Variants in NR3C2 observed in about 807,000 individuals in gnomAD.
The protein encoded by NR3C2 is mineralocorticoid receptor.
In NR3C2, 15 loss-of-function variants were observed where a neutral mutation model predicts 86.4. The observed-to-expected ratio is 0.17, with a 90% confidence interval of 0.12 to 0.27. The LOEUF (loss-of-function observed/expected upper bound fraction) is 0.27. NR3C2 is among the 10% of genes least tolerant of loss of function. NR3C2 has a pLI of 1.00. For missense variants in NR3C2, 960 were observed against 1,195.6 expected (o/e 0.80, Z 2.91); for synonymous variants, 458 against 450.5 (o/e 1.02, Z -0.21).
chr4:148,147,308 T>A (rs1420085162), intron 6 of NR3C2, among the ~76,000 whole-genome samples: 1 of 152,198 alleles, frequency 6.6e-6, no homozygotes, highest in Non-Finnish European at 1.5e-5. Flanking sequence ...CAAAGTTTTG[T>A]TCCTCTGTTT....
chr4:148,193,341 G>T (rs1736291995), intron 4 of NR3C2, among the ~76,000 whole-genome samples: 1 of 152,200 alleles, frequency 6.6e-6, no homozygotes, highest in South Asian at 2.1e-4. Context: ...TGTCTCCCAG[G>T]TCCTCCGGGA....
intron 6 of NR3C2, among the ~76,000 whole-genome samples, chr4:148,132,936 T>C (rs1244574788): frequency 2.0e-5 from 3 of 152,244 alleles, no homozygotes; most frequent in African/African-American, 7.2e-5. Context: ...CAGTGGCTCA[T>C]GCCTGTAATC....
chr4:148,103,237 T>G (rs1235974257), intron 8 of NR3C2, among the ~76,000 whole-genome samples: 2 of 152,170 alleles, frequency 1.3e-5, no homozygotes, highest in East Asian at 1.9e-4. Flanking sequence ...GTCCTGACAC[T>G]CCGTATCACA....
At chr4:148,273,929 T>C (rs1244981792) in intron 2 of NR3C2, among the ~76,000 whole-genome samples, 1 of 149,974 alleles carries the variant, frequency 6.7e-6, no homozygotes, top group Non-Finnish European at 1.5e-5. Flanking sequence ...TGGGGTGGAG[T>C]TGGGGGAAAG....
intron 3 of NR3C2, among the ~76,000 whole-genome samples, chr4:148,215,586 T>C (rs1737492104): frequency 6.6e-6 from 1 of 152,096 alleles, no homozygotes; most frequent in Admixed American, 6.5e-5. Flanking sequence ...GCTATTGAAT[T>C]TATGTGCCCT....
chr4:148,225,830 C>T (rs1482866850), intron 3 of NR3C2, among the ~76,000 whole-genome samples: 3 of 152,066 alleles, frequency 2.0e-5, no homozygotes, highest in Non-Finnish European at 4.4e-5. Context: ...CTAATGTTTT[C>T]ACACTCTTAC....
rs185956809 is a variant in NR3C2 at position 148,237,442 on chromosome 4, T to C, written c.1897+22536A>G. On this transcript the variant is annotated intron_variant, in intron 3 of 8. Transcript: ENST00000358102. The stretch of plus-strand genomic sequence containing the variant: ...AGGTCTCTTCGCACTAAAAATGTCA[T>C]AATTAAAATTCTCAGCAGTACTTAC... Among the ~76,000 whole-genome samples, 262 of 152,290 alleles carry C rather than the reference T, an allele frequency of 1.7e-3. 2 individuals are homozygous for C. Among genetic ancestry groups the C allele is most frequent in the African/African-American group, 5.7e-3 (238 of 41,570 alleles).
intron 8 of NR3C2, among the ~76,000 whole-genome samples, chr4:148,104,342 G>GTTTGGT (rs1553985382): frequency 3.1e-5 from 2 of 63,800 alleles, no homozygotes; most frequent in Admixed American, 1.6e-4. Flanking sequence ...TTTTGGTTTG[G>GTTTGGT]TTTTTTTTTT....
At chr4:148,117,037 G>A (rs901316603) in intron 7 of NR3C2, among the ~76,000 whole-genome samples, 4 of 152,212 alleles carry the variant, frequency 2.6e-5, no homozygotes, top group Admixed American at 2.6e-4. Context: ...TAGTTCCAAA[G>A]TTATACTCCA....
At chr4:148,426,549 G>A (rs997220973) in intron 2 of NR3C2, among the ~76,000 whole-genome samples, 2 of 152,138 alleles carry the variant, frequency 1.3e-5, no homozygotes, top group African/African-American at 4.8e-5. Context: ...AAGACTACCT[G>A]ATTCTTCCCT....
intron 2 of NR3C2, among the ~76,000 whole-genome samples, chr4:148,412,843 C>CCT (rs1294171672): frequency 7.6e-6 from 1 of 132,252 alleles, no homozygotes; most frequent in Non-Finnish European, 1.7e-5. Context: ...ACACACACAC[C>CCT]CCTTAGTTAT....
chr4:148,258,674 T>G (rs925595657), intron 3 of NR3C2, among the ~76,000 whole-genome samples: 5 of 152,184 alleles, frequency 3.3e-5, no homozygotes, highest in African/African-American at 1.2e-4. Context: ...GGTAGCTGTC[T>G]CAGCACCATG....
At chr4:148,365,720 T>C (rs1746080338) in intron 2 of NR3C2, among the ~76,000 whole-genome samples, 1 of 147,428 alleles carries the variant, frequency 6.8e-6, no homozygotes. Flanking sequence ...TATGAAAATA[T>C]CTATAATTTC....
chr4:148,222,983 A>T (rs1367227884), intron 3 of NR3C2, among the ~76,000 whole-genome samples: 1 of 152,206 alleles, frequency 6.6e-6, no homozygotes, highest in Non-Finnish European at 1.5e-5. Context: ...TATTAGTGGT[A>T]AAAAACCAAA....
At chr4:148,368,356 T>C (rs375567219) in intron 2 of NR3C2, 1 of 152,274 alleles carries the variant, frequency 6.6e-6, no homozygotes, top group East Asian at 1.9e-4. Context: ...AGTTCTTGGG[T>C]TGGGATGTGC....
chr4:148,331,098 T>C (rs1045580679), intron 2 of NR3C2, among the ~76,000 whole-genome samples: 1 of 152,130 alleles, frequency 6.6e-6, no homozygotes, highest in African/African-American at 2.4e-5. Flanking sequence ...ACTAATTCAG[T>C]ATATAAAGGA....
At chr4:148,287,651 A>G (rs756742285) in intron 2 of NR3C2, among the ~76,000 whole-genome samples, 8 of 152,244 alleles carry the variant, frequency 5.3e-5, no homozygotes, top group Middle Eastern at 3.4e-3. Context: ...ACAATCAGGT[A>G]CCATATTATT....
chr4:148,397,158 G>T (rs1439480232), intron 2 of NR3C2, among the ~76,000 whole-genome samples: 1 of 152,218 alleles, frequency 6.6e-6, no homozygotes, highest in East Asian at 1.9e-4. Flanking sequence ...AATGTGGCCA[G>T]CAAAGACCAG....
chr4:148,442,621 T>C (rs1474491517), upstream of NR3C2: 2 of 984,424 alleles, frequency 2.0e-6, no homozygotes, highest in Non-Finnish European at 2.4e-6. Flanking sequence ...GCCGCACGGG[T>C]CAGGCGGGCT....
Sources: gnomAD v4.1 joint callset for allele counts (sites outside exome capture counted in the v4.1 genomes callset) on GRCh38, gnomAD v4.1.1 for gene constraint, MANE v1.5 for transcripts, NCBI Gene and HGNC (gene_info 2026-07-23, HGNC 2026-07-21) for gene names.